The following NSD1 variants were observed in gnomAD, a reference collection of about 807,000 sequenced individuals.
NSD1 encodes the protein histone-lysine N-methyltransferase, H3 lysine-36 specific.
NSD1 carries 26 observed loss-of-function variants against 242.7 expected under a neutral mutation model. The observed-to-expected ratio is 0.11, with a 90% CI of 0.08 to 0.15. NSD1 has a LOEUF of 0.15. Among genes scored for constraint, NSD1 ranks in the 10% least tolerant of loss-of-function variants. The pLI, the probability that NSD1 is intolerant of heterozygous loss-of-function variation, is 1.00. For synonymous variants in NSD1, 1,106 were observed against 1,178.1 expected (o/e 0.94, Z 1.25); for missense variants, 2,495 against 3,272.8 (o/e 0.76, Z 5.80).
rs1421236815 is a variant in NSD1, at chr5:177,300,086, C to T, written c.*4627C>T. Reference sequence around the variant, plus strand: ...CCCCCCCCCCGCCCCCATAGATTGTCAGCTGTAAGTGAAACTCCTAGTGAA... The same window carrying T: ...CCCCCCCCCCGCCCCCATAGATTGTTAGCTGTAAGTGAAACTCCTAGTGAA... On this transcript the variant is annotated 3_prime_UTR_variant, in exon 23 of 23. Coordinates refer to ENST00000439151, the MANE Select transcript of NSD1 (RefSeq NM_022455.5). The T allele has an allele frequency of 5.8e-6, 1 of 172,506 alleles. No homozygotes were observed. The highest frequency in any genetic ancestry group is 1.1e-5 in the Non-Finnish European group (1 of 88,378). The allele number at this position is 172,506 out of a possible 1,614,324, so 10.7% of individuals were successfully genotyped here.
In NSD1 at chr5:177,273,813, C is replaced by T. The variant is rs1758133146; in HGVS notation, c.5622+29C>T. On this transcript the variant is annotated intron_variant, in intron 17 of 22. Coordinates refer to ENST00000439151, the MANE Select transcript of NSD1 (RefSeq NM_022455.5). ...AGGAGAAAATCTTGGGGGACCTTCTCTAGAAGAGAAATGGAATAGCTGGCT... is the reference window on the plus strand; with the variant it reads ...AGGAGAAAATCTTGGGGGACCTTCTTTAGAAGAGAAATGGAATAGCTGGCT... The T allele has an allele frequency of 3.5e-6, 5 of 1,443,378 alleles. No individual in the cohort carries two copies. In the Admixed American group the frequency reaches 5.1e-5, roughly 15 times the overall value. The allele number at this position is 1,443,378 out of a possible 1,614,324, so 89.4% of individuals were successfully genotyped here.
At chr5:177,216,600 C>G (rs1223787694) in intron 5 of NSD1, among the ~76,000 whole-genome samples, 1 of 152,054 alleles carries the variant, frequency 6.6e-6, no homozygotes, top group East Asian at 1.9e-4. Context: ...TATCTTTTCC[C>G]CATTGTGTAG....
At position 177,296,818 on chromosome 5, in the gene NSD1, C is replaced by G. The variant is rs1450730585; in HGVS notation, c.*1359C>G. On this transcript the variant is annotated 3_prime_UTR_variant, in exon 23 of 23. Coordinates refer to ENST00000439151, the MANE Select transcript of NSD1 (RefSeq NM_022455.5). The stretch of plus-strand genomic sequence containing the variant: ...ATTCACCCAGCTCACAGACTGCCAA[C>G]AGGAAGTGCTGTTTGGCTAGTTTCC... 1 of 233,252 alleles carries G rather than the reference C, an allele frequency of 4.3e-6. No homozygotes were observed. Among genetic ancestry groups the G allele is most frequent in the African/African-American group, 2.2e-5 (1 of 45,354 alleles). The allele number at this position is 233,252 out of a possible 1,614,324, so 14.4% of individuals were successfully genotyped here.
At chr5:177,149,991 C>G (rs1400635810) in intron 2 of NSD1, among the ~76,000 whole-genome samples, 2 of 152,094 alleles carry the variant, frequency 1.3e-5, no homozygotes, top group Non-Finnish European at 2.9e-5. Context: ...GGCTAGAGTG[C>G]AATTGCGTGA....
At chr5:177,226,098 G>A (rs1179923369) in intron 5 of NSD1, among the ~76,000 whole-genome samples, 1 of 152,180 alleles carries the variant, frequency 6.6e-6, no homozygotes, top group East Asian at 1.9e-4. Flanking sequence ...TTAGGCTGGA[G>A]TGTGGTGGCA....
chr5:177,235,904 C>A lies in NSD1; in HGVS notation c.3880C>A (p.Pro1294Thr). The change falls in exon 6 of 23, where the codon CCT becomes ACT. Residue 1294 changes from proline (P) to threonine (T), a missense_variant. By Grantham distance (38) the Pro-to-Thr change is conservative. This residue lies in a region of NSD1 where 426 missense variants were observed against 411.4 expected (regional missense o/e 1.04). Coordinates refer to ENST00000439151, the MANE Select transcript of NSD1 (RefSeq NM_022455.5). ...AGAAGAATATGATCAGATATTTGCTCCTAAGAAAAAACAAAAGAAGGTACA... is the reference window on the plus strand; with the variant it reads ...AGAAGAATATGATCAGATATTTGCTACTAAGAAAAAACAAAAGAAGGTACA... Reference protein sequence around the residue: ...YTEEYDQIFAPKKKQKKVQEQ... With the variant: ...YTEEYDQIFATKKKQKKVQEQ... 6.2e-7 allele frequency: 1 copy of A among 1,613,862 alleles called. No individual in the cohort carries two copies. Among genetic ancestry groups the A allele is most frequent in the South Asian group, 1.1e-5 (1 of 91,052 alleles).
intron 2 of NSD1, among the ~76,000 whole-genome samples, chr5:177,157,213 C>A (rs1004156980): frequency 6.6e-6 from 1 of 151,530 alleles, no homozygotes; most frequent in African/African-American, 2.4e-5. Context: ...ACTAAAAATA[C>A]AAAATTAGCT....
intron 8 of NSD1, 71 bp from the exon 9 acceptor site, chr5:177,244,124 C>A: frequency 9.0e-7 from 1 of 1,113,994 alleles, no homozygotes; most frequent in Non-Finnish European, 1.4e-6. Context: ...ACAATTCAGA[C>A]TTTGGCATAT....
chr5:177,153,681 TTTA>T (rs1384175459), intron 2 of NSD1, among the ~76,000 whole-genome samples: 7 of 152,168 alleles, frequency 4.6e-5, no homozygotes, highest in African/African-American at 1.4e-4. Context: ...TTTCGAGTGA[TTTA>T]TTGATTCAAA....
intron 5 of NSD1, among the ~76,000 whole-genome samples, chr5:177,213,619 C>A (rs1365228234): frequency 6.6e-6 from 1 of 152,212 alleles, no homozygotes; most frequent in Non-Finnish European, 1.5e-5. Context: ...AGGCGCCCGC[C>A]ACCACACCCA....
At chr5:177,172,350 T>C (rs1334283062) in intron 2 of NSD1, among the ~76,000 whole-genome samples, 1 of 152,216 alleles carries the variant, frequency 6.6e-6, no homozygotes, top group Non-Finnish European at 1.5e-5. Flanking sequence ...CTTTTTTTTT[T>C]CCATCTCAGT....
chr5:177,182,965 GA>G (rs1170385924), intron 2 of NSD1, among the ~76,000 whole-genome samples: 1 of 152,048 alleles, frequency 6.6e-6, no homozygotes, highest in Non-Finnish European at 1.5e-5. Flanking sequence ...AAGTAAAGAT[GA>G]GGTCTCACTT....
chr5:177,272,351 G>C (rs1420111899), intron 16 of NSD1, among the ~76,000 whole-genome samples: 1 of 151,950 alleles, frequency 6.6e-6, no homozygotes, highest in Non-Finnish European at 1.5e-5. Flanking sequence ...CAATTTAGAT[G>C]ACTCCATGGA....
At chr5:177,182,151 C>CAA (rs35298464) in intron 2 of NSD1, among the ~76,000 whole-genome samples, 5 of 119,514 alleles carry the variant, frequency 4.2e-5, no homozygotes, top group Non-Finnish European at 9.2e-5. Flanking sequence ...GACTCCGTCT[C>CAA]AAAAAAAAAA....
intron 4 of NSD1, among the ~76,000 whole-genome samples, chr5:177,206,292 G>A (rs1210179179): frequency 6.6e-6 from 1 of 152,090 alleles, no homozygotes; most frequent in African/African-American, 2.4e-5. Flanking sequence ...GAGCCACTGT[G>A]CCCAGCCCCA....
chr5:177,194,964 G>A (rs1304328071), intron 3 of NSD1, among the ~76,000 whole-genome samples: 1 of 151,988 alleles, frequency 6.6e-6, no homozygotes, highest in Non-Finnish European at 1.5e-5. Context: ...TTCGAGACCA[G>A]TCTGGCTGAC....
chr5:177,205,458 A>G (rs1450059677), intron 4 of NSD1, among the ~76,000 whole-genome samples: 1 of 151,582 alleles, frequency 6.6e-6, no homozygotes, highest in Non-Finnish European at 1.5e-5. Flanking sequence ...TTGATGTTTT[A>G]TGTTAAATTT....
chr5:177,149,364 G>T (rs1757519262), intron 2 of NSD1, among the ~76,000 whole-genome samples: 2 of 150,998 alleles, frequency 1.3e-5, no homozygotes, highest in Non-Finnish European at 2.9e-5. Context: ...GATTATAGGT[G>T]TGCATCACCA....
chr5:177,269,883 C>A lies in NSD1; in HGVS notation c.5509+76C>A. On this transcript the variant is annotated intron_variant, in intron 16 of 22. Transcript: ENST00000439151. The surrounding 1 kb of genome is among the most constrained non-coding windows in gnomAD (Gnocchi z 5.1). Reference sequence around the variant, plus strand: ...AGTGTCTGATCTGTTTTAGAATTCACATATGCTCCATTTTGAAACTGCCTT... The same window carrying A: ...AGTGTCTGATCTGTTTTAGAATTCAAATATGCTCCATTTTGAAACTGCCTT... 7.8e-7 allele frequency: 1 copy of A among 1,278,692 alleles called. No individual in the cohort carries two copies. Among genetic ancestry groups the A allele is most frequent in the South Asian group, 1.4e-5 (1 of 69,840 alleles). The allele number at this position is 1,278,692 out of a possible 1,614,324, so 79.2% of individuals were successfully genotyped here.
Sources: allele counts gnomAD v4.1 joint callset (sites outside exome capture counted in the v4.1 genomes callset), GRCh38; gene constraint gnomAD v4.1.1; regional missense constraint gnomAD v4.1.1; non-coding constraint Gnocchi (gnomAD v3.1); transcripts MANE v1.5; gene names NCBI Gene and HGNC (gene_info 2026-07-23, HGNC 2026-07-21).